Variants in CABP5 observed in about 807,000 individuals in gnomAD.
The protein encoded by CABP5 is calcium-binding protein 5.
CABP5 carries 17 observed loss-of-function variants against 21.9 expected under a neutral mutation model. The ratio of observed to expected loss-of-function variants is 0.78; its 90% CI spans 0.53 to 1.17. The LOEUF (loss-of-function observed/expected upper bound fraction) is 1.17, where lower values mean the gene tolerates loss of function less well. Ranked by LOEUF, CABP5 falls within the 50% of genes most tolerant of loss-of-function variation. CABP5 has a pLI of 0.00. For missense variants in CABP5, 229 were observed against 228.9 expected, an observed-to-expected ratio of 1.00 and a Z score of 0.00; for synonymous variants, 85 against 79.4, an observed-to-expected ratio of 1.07 and a Z score of -0.37.
intron 4 of CABP5, among the ~76,000 whole-genome samples, chr19:48,038,762 G>A (rs1361081995): frequency 6.6e-6 from 1 of 152,120 alleles, no homozygotes; most frequent in Non-Finnish European, 1.5e-5. Flanking sequence ...GGGAGGCAGA[G>A]GTTGTAGTGA....
Position 48,029,800 on chromosome 19 carries a change from G to GAC in CABP5, c.*756_*757insGT, listed in dbSNP as rs1260760580. Among the ~76,000 whole-genome samples the GAC allele has an allele frequency of 2.6e-4, 22 of 84,664 alleles. No individual in the cohort carries two copies. The highest frequency in any genetic ancestry group is 4.5e-4 in the Non-Finnish European group (16 of 35,692). The allele number at this position is 84,664 out of a possible 152,430, so 55.5% of individuals were successfully genotyped here. ...GAGGGGAGACAGAGACAGACAGACA[G>GAC]AGAGAGAGAGAGAGAGAGAGAGAGA... On this transcript the variant is annotated 3_prime_UTR_variant, in exon 6 of 6. Coordinates refer to ENST00000293255, the MANE Select transcript of CABP5 (RefSeq NM_019855.5).
At chr19:48,032,690 G>A (rs1414992211) in intron 5 of CABP5, among the ~76,000 whole-genome samples, 1 of 150,026 alleles carries the variant, frequency 6.7e-6, no homozygotes, top group Non-Finnish European at 1.5e-5. Flanking sequence ...GAGTGCAGTG[G>A]TGTGACCTCG....
At chr19:48,040,028 G>T (rs1207585109) in intron 3 of CABP5, among the ~76,000 whole-genome samples, 1 of 151,878 alleles carries the variant, frequency 6.6e-6, no homozygotes, top group Non-Finnish European at 1.5e-5. Context: ...AGCCTCAATA[G>T]GAATTTTATT....
In CABP5 at chr19:48,030,547, C is replaced by T. The variant is rs1256513174; in HGVS notation, c.*10G>A. On this transcript the variant is annotated 3_prime_UTR_variant, in exon 6 of 6. Transcript: ENST00000293255. ...CCAGGTGGAGAGGGTCTGGAGCTTC[C>T]AGGACCTCCTCAGCGAGACATCATC... 6.2e-7 allele frequency: 1 copy of T among 1,612,886 alleles called. No individual in the cohort carries two copies. Among genetic ancestry groups the T allele is most frequent in the East Asian group, 2.2e-5 (1 of 44,846 alleles).
intron 5 of CABP5, among the ~76,000 whole-genome samples, chr19:48,030,836 T>C (rs1178049253): frequency 6.6e-6 from 1 of 152,136 alleles, no homozygotes; most frequent in Non-Finnish European, 1.5e-5. Flanking sequence ...TGAGATAAAA[T>C]TGGCTTACAG....
intron 4 of CABP5, among the ~76,000 whole-genome samples, chr19:48,035,370 G>A (rs1463481649): frequency 6.6e-6 from 1 of 152,206 alleles, no homozygotes; most frequent in Non-Finnish European, 1.5e-5. Context: ...GGCCAAGGCG[G>A]GTGGATCACC....
chr19:48,041,030 A>T (rs1377297101), intron 2 of CABP5, among the ~76,000 whole-genome samples: 2 of 147,740 alleles, frequency 1.4e-5, no homozygotes, highest in African/African-American at 5.0e-5. Flanking sequence ...CAAAAAAATT[A>T]GCTGGGCATG....
At chr19:48,039,154 G>C (rs893084229) in intron 4 of CABP5, 54 bp downstream of exon 4, 5 of 1,419,074 alleles carry the variant, frequency 3.5e-6, no homozygotes, top group Admixed American at 3.4e-5. Context: ...ATTACAGGCA[G>C]ACCTCAGAGG....
At chr19:48,041,192 G>GA (rs1031569833) in intron 2 of CABP5, 206 of 269,054 alleles carry the variant, frequency 7.7e-4, no homozygotes, top group Middle Eastern at 2.5e-3. Flanking sequence ...TCTCAAAAAA[G>GA]AAAAAAAAAT....
intron 5 of CABP5, among the ~76,000 whole-genome samples, chr19:48,031,692 C>T (rs1967342046): frequency 1.3e-5 from 2 of 152,080 alleles, no homozygotes; most frequent in African/African-American, 4.8e-5. Flanking sequence ...AATGGTGAAC[C>T]CTGGAAGGAA....
chr19:48,034,655 C>A (rs368365938), intron 4 of CABP5, among the ~76,000 whole-genome samples: 5 of 151,252 alleles, frequency 3.3e-5, no homozygotes, highest in African/African-American at 1.2e-4. Flanking sequence ...AAGCGATTCT[C>A]GTCCCTCAGC....
At position 48,029,828 on chromosome 19, in the gene CABP5, G is replaced by GAGACAGAGAGAGAGAC. The variant is rs1555737224; in HGVS notation, c.*728_*729insGTCTCTCTCTCTGTCT. On this transcript the variant is annotated 3_prime_UTR_variant, in exon 6 of 6. Coordinates refer to ENST00000293255, the MANE Select transcript of CABP5 (RefSeq NM_019855.5). Reference sequence around the variant, plus strand: ...AGAGAGAGAGAGAGAGAGAGAGAGAGAGAGAGAGAAACCAGACAGTGCTTC... The same window carrying GAGACAGAGAGAGAGAC: ...AGAGAGAGAGAGAGAGAGAGAGAGAGAGACAGAGAGAGAGACAGAGAGAGAAACCAGACAGTGCTTC... The GAGACAGAGAGAGAGAC allele has an allele frequency of 6.6e-6, 1 of 150,424 alleles. No individual in the cohort carries two copies. The highest frequency in any genetic ancestry group is 2.5e-5 in the African/African-American group (1 of 40,294). The allele number at this position is 150,424 out of a possible 1,614,324, so 9.3% of individuals were successfully genotyped here. A position where few individuals can be genotyped will look rare whatever the true frequency, so the allele number is the denominator to read the frequency against.
chr19:48,037,259 C>CTTTTTTTTTTTTTTTTTTTTTTT lies in CABP5; in HGVS notation c.348+1926_348+1948dup, dbSNP rs57230665. 2.4e-4 allele frequency among the ~76,000 whole-genome samples: 11 copies of CTTTTTTTTTTTTTTTTTTTTTTT among 44,976 alleles called. 4 individuals are homozygous for CTTTTTTTTTTTTTTTTTTTTTTT. The highest frequency in any genetic ancestry group is 2.0e-3 in the East Asian group (2 of 1,002). 29.5% of individuals were successfully genotyped at this position (44,976 alleles called of 152,430 possible). On this transcript the variant is annotated intron_variant, in intron 4 of 5. Coordinates refer to ENST00000293255, the MANE Select transcript of CABP5 (RefSeq NM_019855.5). ...AAGTACACAATGGAATACTATTCAG[C>CTTTTTTTTTTTTTTTTTTTTTTT]TTTTTTTTTTTTTTTTTTTTTTTTT...
At chr19:48,037,589 G>T (rs77853220) in intron 4 of CABP5, among the ~76,000 whole-genome samples, 1 of 150,904 alleles carries the variant, frequency 6.6e-6, no homozygotes, top group Non-Finnish European at 1.5e-5. Flanking sequence ...TAGTAGTGAC[G>T]TTTAAAAAAA....
At chr19:48,032,455 A>C (rs1967351366) in intron 5 of CABP5, among the ~76,000 whole-genome samples, 1 of 145,488 alleles carries the variant, frequency 6.9e-6, no homozygotes, top group Non-Finnish European at 1.5e-5. Flanking sequence ...TCAGCCTCCC[A>C]AGTAGCTGGG....
chr19:48,034,436 C>G (rs1037550095), intron 4 of CABP5, 74 bp from the exon 5 acceptor site: 4 of 1,217,408 alleles, frequency 3.3e-6, no homozygotes, highest in Non-Finnish European at 4.4e-6. Context: ...GTTTACCTAT[C>G]GCTTACTGTG....
intron 5 of CABP5, among the ~76,000 whole-genome samples, chr19:48,032,926 C>G (rs10417586): frequency 2.0e-5 from 3 of 151,914 alleles, no homozygotes; most frequent in African/African-American, 7.3e-5. Flanking sequence ...CCACTGAGCC[C>G]GGCCAGAATT....
chr19:48,041,639 G>C (rs1967483229), intron 1 of CABP5, 36 bp from the exon 2 acceptor site: 1 of 1,598,572 alleles, frequency 6.3e-7, no homozygotes, highest in Non-Finnish European at 8.5e-7. Context: ...AATTTGGAGA[G>C]AGGGTCACCC....
chr19:48,034,671 G>A (rs1044948824), intron 4 of CABP5, among the ~76,000 whole-genome samples: 6 of 151,200 alleles, frequency 4.0e-5, no homozygotes, highest in Non-Finnish European at 7.4e-5. Flanking sequence ...TCAGCCTCCC[G>A]AGTAGCTGGG....
Sources: allele counts gnomAD v4.1 joint callset (sites outside exome capture counted in the v4.1 genomes callset), GRCh38; gene constraint gnomAD v4.1.1; transcripts MANE v1.5; gene names NCBI Gene and HGNC (gene_info 2026-07-23, HGNC 2026-07-21).